The following PCSK5 variants were observed in gnomAD, a reference collection of about 807,000 sequenced individuals.
PCSK5 encodes proprotein convertase subtilisin/kexin type 5.
In PCSK5, 129 loss-of-function variants were observed where a neutral mutation model predicts 233.2. The ratio of observed to expected loss-of-function variants is 0.55; its 90% CI spans 0.48 to 0.64. The LOEUF is 0.64. PCSK5 is among the 30% of genes least tolerant of loss of function. PCSK5 has a pLI of 0.00. For missense variants in PCSK5, 2,076 were observed against 2,430.1 expected, an observed-to-expected ratio of 0.85 and a Z score of 3.06; for synonymous variants, 825 against 879.2, an observed-to-expected ratio of 0.94 and a Z score of 1.09.
At chr9:76,151,602 G>A (rs983441632) in intron 10 of PCSK5, among the ~76,000 whole-genome samples, 7 of 152,042 alleles carry the variant, frequency 4.6e-5, no homozygotes, top group South Asian at 2.1e-4. Context: ...TGCTACCTTC[G>A]TCCTCCACCT....
At chr9:76,097,251 T>TC (rs1267876213) in intron 8 of PCSK5, among the ~76,000 whole-genome samples, 1 of 116,392 alleles carries the variant, frequency 8.6e-6, no homozygotes, top group Non-Finnish European at 1.7e-5. Flanking sequence ...CATTTCTTTT[T>TC]TTTTTTTTTT....
At chr9:76,321,866 C>A (rs1365432200) in intron 31 of PCSK5, among the ~76,000 whole-genome samples, 1 of 152,168 alleles carries the variant, frequency 6.6e-6, no homozygotes, top group African/African-American at 2.4e-5. Context: ...TGATCTCTTA[C>A]ACTCACCCCC....
chr9:76,234,224 A>T (rs2131320427), intron 22 of PCSK5, among the ~76,000 whole-genome samples: 1 of 152,206 alleles, frequency 6.6e-6, no homozygotes, highest in South Asian at 2.1e-4. Flanking sequence ...ACTACTTTTT[A>T]AATTTGAGTC....
intron 1 of PCSK5, among the ~76,000 whole-genome samples, chr9:75,910,597 T>C (rs998842853): frequency 6.6e-6 from 1 of 152,210 alleles, no homozygotes; most frequent in African/African-American, 2.4e-5. Context: ...TTTTTTCTCT[T>C]TCCATGAAGA....
intron 9 of PCSK5, among the ~76,000 whole-genome samples, chr9:76,113,907 G>A (rs945022766): frequency 6.6e-6 from 1 of 152,072 alleles, no homozygotes; most frequent in African/African-American, 2.4e-5. Context: ...AAATTGCAGA[G>A]GGCATACCAA....
At chr9:76,273,899 T>C (rs1339685203) in intron 24 of PCSK5, among the ~76,000 whole-genome samples, 1 of 151,264 alleles carries the variant, frequency 6.6e-6, no homozygotes, top group Non-Finnish European at 1.5e-5. Context: ...CCTCTTGCTT[T>C]GGACTCGCAA....
chr9:76,216,110 G>C (rs74624005), intron 20 of PCSK5, among the ~76,000 whole-genome samples: 59 of 152,136 alleles, frequency 3.9e-4, no homozygotes, highest in African/African-American at 1.3e-3. Flanking sequence ...TTTTTTGCAA[G>C]CTCCTCCTCT....
At chr9:75,961,671 A>G (rs1239919750) in intron 2 of PCSK5, among the ~76,000 whole-genome samples, 1 of 152,228 alleles carries the variant, frequency 6.6e-6, no homozygotes, top group African/African-American at 2.4e-5. Context: ...TCTCTGGTGA[A>G]AACTTGGCAT....
At chr9:75,944,206 T>C (rs1176827405) in intron 2 of PCSK5, among the ~76,000 whole-genome samples, 3 of 150,194 alleles carry the variant, frequency 2.0e-5, no homozygotes, top group African/African-American at 7.3e-5. Flanking sequence ...TATACACATA[T>C]ACATATATAT....
intron 1 of PCSK5, among the ~76,000 whole-genome samples, chr9:75,918,554 C>G (rs1823107704): frequency 1.3e-5 from 2 of 152,294 alleles, no homozygotes; most frequent in Middle Eastern, 3.4e-3. Context: ...AGACATCAAA[C>G]TATATACACC....
chr9:76,009,640 A>C (rs1471309845), intron 3 of PCSK5, among the ~76,000 whole-genome samples: 2 of 151,904 alleles, frequency 1.3e-5, no homozygotes, highest in Admixed American at 6.6e-5. Flanking sequence ...AAAAAAAAAA[A>C]AACAAAAAAG....
At chr9:76,168,834 T>C (rs1823201831) in intron 12 of PCSK5, among the ~76,000 whole-genome samples, 1 of 152,190 alleles carries the variant, frequency 6.6e-6, no homozygotes, top group South Asian at 2.1e-4. Flanking sequence ...AAAACAATTC[T>C]ATCACCCTCA....
chr9:76,124,278 T>C (rs984415626), intron 9 of PCSK5, among the ~76,000 whole-genome samples: 2 of 152,154 alleles, frequency 1.3e-5, no homozygotes, highest in African/African-American at 4.8e-5. Context: ...TGGGGTTGTG[T>C]GTTCATTAAG....
At chr9:76,289,165 A>T (rs1191561545) in intron 24 of PCSK5, among the ~76,000 whole-genome samples, 1 of 152,024 alleles carries the variant, frequency 6.6e-6, no homozygotes, top group Non-Finnish European at 1.5e-5. Context: ...AATAAAAATG[A>T]CTTTTCTCAA....
intron 5 of PCSK5, among the ~76,000 whole-genome samples, chr9:76,039,418 C>CT (rs1829001820): frequency 6.6e-6 from 1 of 152,062 alleles, no homozygotes; most frequent in African/African-American, 2.4e-5. Flanking sequence ...AAATGTTTTT[C>CT]TTAAAAAATT....
chr9:76,328,258 G>T lies in PCSK5; in HGVS notation c.4570+19G>T. On this transcript the variant is annotated intron_variant, in intron 33 of 37. Transcript: ENST00000674117. ...CTTCTCAGTGAGTTACTTCTCCGAG[G>T]ACAGCTTTGTGTTTCCATCTCTCTG... The T allele has an allele frequency of 6.4e-7, 1 of 1,559,132 alleles. No individual in the cohort carries two copies. Among genetic ancestry groups the T allele is most frequent in the South Asian group, 1.1e-5 (1 of 90,070 alleles).
chr9:75,927,478 A>C (rs968144270), intron 1 of PCSK5, among the ~76,000 whole-genome samples: 1 of 152,098 alleles, frequency 6.6e-6, no homozygotes, highest in Admixed American at 6.5e-5. Flanking sequence ...GCACTGAAAA[A>C]TCCTGTGTCC....
At chr9:75,968,870 A>G (rs1563944884) in intron 2 of PCSK5, among the ~76,000 whole-genome samples, 1 of 152,152 alleles carries the variant, frequency 6.6e-6, no homozygotes, top group Non-Finnish European at 1.5e-5. Context: ...TTTATTATAG[A>G]CTTGATTATT....
chr9:76,175,550 A>T (rs868623420), intron 14 of PCSK5: 1 of 245,212 alleles, frequency 4.1e-6, no homozygotes, highest in Non-Finnish European at 7.7e-6. Context: ...TTGGATAAAC[A>T]TCATTATTTA....
Sources: gnomAD v4.1 joint callset for allele counts (sites outside exome capture counted in the v4.1 genomes callset) on GRCh38, gnomAD v4.1.1 for gene constraint, MANE v1.5 for transcripts, NCBI Gene and HGNC (gene_info 2026-07-23, HGNC 2026-07-21) for gene names.